The following NBDY variants were observed in gnomAD, a reference collection of about 807,000 sequenced individuals.
The protein encoded by NBDY is negative regulator of P-body association, also known as P-body dissociating protein.
At chrX:56,788,887 C>T (rs2069745265) in intron 2 of NBDY, among the ~76,000 whole-genome samples, 1 of 112,395 alleles carries the variant, frequency 8.9e-6, no homozygotes, top group Non-Finnish European at 1.9e-5. Context: ...GGCAGGCACT[C>T]TTTGTTCTAG....
intron 2 of NBDY, among the ~76,000 whole-genome samples, chrX:56,756,823 G>A (rs1420245761): frequency 1.8e-5 from 2 of 110,694 alleles, no homozygotes; most frequent in Non-Finnish European, 3.8e-5. Flanking sequence ...GGACTTGGTG[G>A]TGCATGCCTA....
At chrX:56,790,182 A>G (rs1052916882) in intron 2 of NBDY, among the ~76,000 whole-genome samples, 82 of 112,790 alleles carry the variant, frequency 7.3e-4, no homozygotes, top group Admixed American at 4.7e-4. Context: ...GCGTTGCTCT[A>G]AAGGTTACAT....
At chrX:56,802,722 A>G (rs1446283538) in intron 2 of NBDY, among the ~76,000 whole-genome samples, 1 of 113,049 alleles carries the variant, frequency 8.8e-6, no homozygotes, top group African/African-American at 3.2e-5. Flanking sequence ...GTGGTTTCCC[A>G]GTGGCCATGA....
At chrX:56,765,132 C>A (rs1404362863) in intron 2 of NBDY, among the ~76,000 whole-genome samples, 1 of 111,808 alleles carries the variant, frequency 8.9e-6, no homozygotes, top group African/African-American at 3.3e-5. Flanking sequence ...GTCAGCTGGG[C>A]GCGGGGACAC....
chrX:56,735,921 G>A (rs2069487098), intron 2 of NBDY, among the ~76,000 whole-genome samples: 1 of 104,267 alleles, frequency 9.6e-6, no homozygotes, highest in African/African-American at 3.5e-5. Flanking sequence ...TTTCAAGATA[G>A]GTTTAGAAAA....
chrX:56,787,376 T>C (rs1224584527), intron 2 of NBDY, among the ~76,000 whole-genome samples: 1 of 110,894 alleles, frequency 9.0e-6, no homozygotes, highest in Non-Finnish European at 1.9e-5. Flanking sequence ...TTAAGCATTG[T>C]TGTACACAGA....
At chrX:56,741,830 T>A (rs781649350) in intron 2 of NBDY, among the ~76,000 whole-genome samples, 37 of 111,828 alleles carry the variant, frequency 3.3e-4, no homozygotes, top group African/African-American at 1.0e-3. Flanking sequence ...AGAAGCTTTT[T>A]ACTTGATGTG....
At chrX:56,780,982 C>T (rs2069683599) in intron 2 of NBDY, among the ~76,000 whole-genome samples, 1 of 109,861 alleles carries the variant, frequency 9.1e-6, no homozygotes, top group South Asian at 4.0e-4. Flanking sequence ...CAACTGTTTC[C>T]TTGTCAACAA....
chrX:56,734,598 C>T (rs1238341333), intron 2 of NBDY, among the ~76,000 whole-genome samples: 1 of 111,669 alleles, frequency 9.0e-6, no homozygotes, highest in Non-Finnish European at 1.9e-5. Context: ...AGGGAGATAA[C>T]CAAGTCTTAG....
intron 2 of NBDY, among the ~76,000 whole-genome samples, chrX:56,806,529 G>C (rs2069851323): frequency 8.9e-6 from 1 of 112,093 alleles, no homozygotes; most frequent in East Asian, 2.8e-4. Flanking sequence ...GCATGAAATG[G>C]TATCTCATTC....
intron 2 of NBDY, among the ~76,000 whole-genome samples, chrX:56,734,102 A>G (rs1397835306): frequency 8.9e-6 from 1 of 112,515 alleles, no homozygotes; most frequent in African/African-American, 3.2e-5. Context: ...AAGATTCTAG[A>G]ATTTAAAAAC....
chrX:56,797,721 C>T (rs5914799), intron 2 of NBDY, among the ~76,000 whole-genome samples: 62,486 of 109,835 alleles, frequency 0.57, 15,541 homozygotes, highest in Non-Finnish European at 0.77. Flanking sequence ...CAAAACGATA[C>T]GGATTTCAGT....
chrX:56,816,680 A>G (rs191920065), intron 2 of NBDY, among the ~76,000 whole-genome samples: 4,187 of 110,295 alleles, frequency 0.038, 82 homozygotes, highest in South Asian at 0.091. Flanking sequence ...TTATATTATA[A>G]ACTCCAAATC....
chrX:56,793,379 C>G (rs2069774444), intron 2 of NBDY, among the ~76,000 whole-genome samples: 2 of 111,823 alleles, frequency 1.8e-5, no homozygotes, highest in South Asian at 7.5e-4. Context: ...CTGGCTGCCT[C>G]TACAGCATTC....
At chrX:56,751,431 T>C (rs891501222) in intron 2 of NBDY, among the ~76,000 whole-genome samples, 2 of 112,341 alleles carry the variant, frequency 1.8e-5, no homozygotes, top group African/African-American at 3.2e-5. Context: ...CTCAGTGTAG[T>C]ACCTTTCCAT....
chrX:56,739,284 T>TA (rs2069519019), intron 2 of NBDY, among the ~76,000 whole-genome samples: 3 of 74,996 alleles, frequency 4.0e-5, no homozygotes, highest in Non-Finnish European at 7.3e-5. Context: ...ATATATATTT[T>TA]TATATATATA....
chrX:56,753,939 G>T lies in NBDY; in HGVS notation c.*166+21740G>T, dbSNP rs180710490. ...GAGTGTGAGGAAGTGGGTGAAGATAGGGAAGACATTGCTTCCAGGAATTTG... is the reference window on the plus strand; with the variant it reads ...GAGTGTGAGGAAGTGGGTGAAGATATGGAAGACATTGCTTCCAGGAATTTG... On this transcript the variant is annotated intron_variant, in intron 2 of 2. Coordinates refer to ENST00000374922, the MANE Select transcript of NBDY (RefSeq NM_001348129.2). 4.6e-3 allele frequency among the ~76,000 whole-genome samples: 516 copies of T among 111,426 alleles called. 4 individuals carry two copies. Among genetic ancestry groups the T allele is most frequent in the Non-Finnish European group, 7.4e-3 (392 of 53,000 alleles).
intron 2 of NBDY, among the ~76,000 whole-genome samples, chrX:56,785,496 C>G (rs1050590616): frequency 9.0e-6 from 1 of 111,261 alleles, no homozygotes; most frequent in Non-Finnish European, 1.9e-5. Context: ...CGGGTACAGT[C>G]GTCTAGGCAA....
At chrX:56,800,200 C>G (rs376666041) in intron 2 of NBDY, among the ~76,000 whole-genome samples, 2 of 111,350 alleles carry the variant, frequency 1.8e-5, no homozygotes, top group Non-Finnish European at 3.8e-5. Context: ...TAATATTTAA[C>G]TCCCATCTCA....
Sources: gnomAD v4.1 joint callset for allele counts (sites outside exome capture counted in the v4.1 genomes callset) on GRCh38, gnomAD v4.1.1 for gene constraint, MANE v1.5 for transcripts, NCBI Gene and HGNC (gene_info 2026-07-23, HGNC 2026-07-21) for gene names.